Variants in ADAM22 observed in about 807,000 individuals in gnomAD.
The protein encoded by ADAM22 is ADAM metallopeptidase domain 22, also known as disintegrin and metalloproteinase domain-containing protein 22.
ADAM22 carries 65 observed loss-of-function variants against 144.6 expected under a neutral mutation model. That is an observed-to-expected ratio of 0.45 (90% confidence interval 0.37 to 0.55). The LOEUF is 0.55. Among genes scored for constraint, ADAM22 ranks in the 20% least tolerant of loss-of-function variants. ADAM22 has a pLI of 0.00. For missense variants in ADAM22, 974 were observed against 1,184.9 expected (o/e 0.82, Z 2.61); for synonymous variants, 391 against 412.6 (o/e 0.95, Z 0.63).
At chr7:88,170,900 A>C (rs1844158731) in intron 25 of ADAM22, among the ~76,000 whole-genome samples, 1 of 151,964 alleles carries the variant, frequency 6.6e-6, no homozygotes, top group Admixed American at 6.6e-5. Context: ...TTGGAAACTC[A>C]TTTAAGTCGA....
intron 29 of ADAM22, chr7:88,186,369 A>C: frequency 2.2e-6 from 1 of 464,926 alleles, no homozygotes; most frequent in East Asian, 4.2e-5. Context: ...TTGGGAAGCC[A>C]CTGGAAAAGG....
At chr7:88,067,508 A>T (rs1004918760) in intron 3 of ADAM22, among the ~76,000 whole-genome samples, 6 of 151,898 alleles carry the variant, frequency 4.0e-5, no homozygotes, top group Non-Finnish European at 8.8e-5. Context: ...TTACTAGCAT[A>T]TTTGTAGACT....
chr7:88,001,720 G>A (rs1792613308), intron 3 of ADAM22, among the ~76,000 whole-genome samples: 2 of 151,832 alleles, frequency 1.3e-5, no homozygotes, highest in African/African-American at 4.8e-5. Flanking sequence ...TTGTTTTTAG[G>A]ATAGTGGTTA....
chr7:87,996,258 G>T (rs1196395573), intron 3 of ADAM22, among the ~76,000 whole-genome samples: 1 of 152,132 alleles, frequency 6.6e-6, no homozygotes, highest in Non-Finnish European at 1.5e-5. Context: ...CTTAGTTCAG[G>T]CTGCCATAAC....
chr7:88,038,666 G>A (rs1802141000), intron 3 of ADAM22, among the ~76,000 whole-genome samples: 1 of 151,820 alleles, frequency 6.6e-6, no homozygotes, highest in Admixed American at 6.6e-5. Flanking sequence ...TGTTAGCCAG[G>A]ATGGTCTCGA....
At chr7:87,963,189 G>A (rs1031193189) in intron 2 of ADAM22, among the ~76,000 whole-genome samples, 6 of 152,048 alleles carry the variant, frequency 3.9e-5, no homozygotes, top group Non-Finnish European at 8.8e-5. Flanking sequence ...AGGCATGCAG[G>A]GAAGGCCAGG....
At chr7:88,060,808 A>G (rs1004613664) in intron 3 of ADAM22, among the ~76,000 whole-genome samples, 4 of 150,524 alleles carry the variant, frequency 2.7e-5, no homozygotes, top group Admixed American at 1.3e-4. Context: ...TCGCTCATCC[A>G]TAAGAAGTGA....
At chr7:88,185,037 C>T (rs547772781) in intron 29 of ADAM22, among the ~76,000 whole-genome samples, 11 of 152,170 alleles carry the variant, frequency 7.2e-5, no homozygotes, top group African/African-American at 2.2e-4. Flanking sequence ...GCTTTTTCTA[C>T]GGTTTTCCCC....
At chr7:88,141,482 A>G (rs975746684) in intron 14 of ADAM22, among the ~76,000 whole-genome samples, 6 of 152,202 alleles carry the variant, frequency 3.9e-5, no homozygotes, top group African/African-American at 1.2e-4. Flanking sequence ...ATAAATGGAC[A>G]GTTTTTGCAG....
chr7:88,112,290 T>C (rs568823350), intron 5 of ADAM22, among the ~76,000 whole-genome samples: 17 of 152,304 alleles, frequency 1.1e-4, no homozygotes, highest in African/African-American at 3.6e-4. Context: ...TGTGAGTATA[T>C]AGAAGTTGAG....
rs531582476 is a variant in ADAM22, at chr7:88,101,223, G to A, written c.391-6953G>A. 3.3e-5 allele frequency among the ~76,000 whole-genome samples: 5 copies of A among 152,138 alleles called. 1 individual carries two copies. In the South Asian group the frequency reaches 1.0e-3, roughly 32 times the overall value. ...TGTGTTACAATATGCTGCCAGGTTG[G>A]CAACTACTGTGCTAGGGTGGGGTGA... On this transcript the variant is annotated intron_variant, in intron 4 of 31. Transcript: ENST00000413139.
At chr7:88,136,435 C>T (rs1358531669) in intron 14 of ADAM22, among the ~76,000 whole-genome samples, 1 of 152,088 alleles carries the variant, frequency 6.6e-6, no homozygotes, top group Non-Finnish European at 1.5e-5. Flanking sequence ...AATAGTCCCA[C>T]AATGGCTGAC....
At position 88,131,301 on chromosome 7, in the gene ADAM22, A is replaced by G; in HGVS notation, c.858A>G (p.Val286=). 3.7e-6 allele frequency: 6 copies of G among 1,613,792 alleles called. No individual in the cohort carries two copies. The highest frequency in any genetic ancestry group is 5.1e-6 in the Non-Finnish European group (6 of 1,179,828). Residue 286 remains valine (V), a synonymous_variant, in exon 11 of 32, where the codon GTA becomes GTG. Transcript: ENST00000413139. ...IYKDQLKTRI[V]LVAMETWATD... ...AAGACCAACTTAAGACCAGGATAGT[A>G]TTGGTTGCTATGGAAACCTGGGCGA...
At chr7:88,114,178 G>A (rs1004378883) in intron 5 of ADAM22, among the ~76,000 whole-genome samples, 7 of 152,114 alleles carry the variant, frequency 4.6e-5, no homozygotes, top group African/African-American at 1.7e-4. Context: ...CTGAAAACCT[G>A]CATCAGGATC....
At chr7:87,964,901 TTGCTATTTTC>T (rs1848706251) in intron 2 of ADAM22, among the ~76,000 whole-genome samples, 1 of 152,214 alleles carries the variant, frequency 6.6e-6, no homozygotes, top group Non-Finnish European at 1.5e-5. Flanking sequence ...TTAAAGATTC[TTGCTATTTTC>T]TAACCTATGT....
chr7:88,186,514 T>A (rs1047062818), intron 29 of ADAM22, 101 bp from the exon 30 acceptor site: 21 of 804,446 alleles, frequency 2.6e-5, no homozygotes, highest in Non-Finnish European at 4.4e-5. Context: ...CATGGTCACT[T>A]GCATTTGGAG....
intron 3 of ADAM22, among the ~76,000 whole-genome samples, chr7:88,036,106 A>C (rs1329517661): frequency 1.3e-5 from 2 of 152,222 alleles, no homozygotes; most frequent in African/African-American, 4.8e-5. Flanking sequence ...CAAATGAAAA[A>C]TAAGTATCAC....
intron 3 of ADAM22, among the ~76,000 whole-genome samples, chr7:87,995,219 T>C (rs1213378733): frequency 6.6e-6 from 1 of 152,210 alleles, no homozygotes; most frequent in African/African-American, 2.4e-5. Flanking sequence ...TCTCAGTGCC[T>C]GGATGGAGTG....
chr7:88,110,138 A>G (rs573763867), intron 5 of ADAM22, among the ~76,000 whole-genome samples: 9 of 152,346 alleles, frequency 5.9e-5, no homozygotes, highest in African/African-American at 2.2e-4. Context: ...TATTTGAAGA[A>G]AGAGGTTTTT....
Sources: allele counts gnomAD v4.1 joint callset (sites outside exome capture counted in the v4.1 genomes callset), GRCh38; gene constraint gnomAD v4.1.1; transcripts MANE v1.5; gene names NCBI Gene and HGNC (gene_info 2026-07-23, HGNC 2026-07-21).